Variants in PABPC4L observed in about 807,000 individuals in gnomAD.
The protein encoded by PABPC4L is polyadenylate-binding protein 4-like.
For synonymous variants in PABPC4L, 169 were observed against 164.1 expected (o/e 1.03, Z -0.23); for missense variants, 452 against 451.4 (o/e 1.00, Z -0.01).
At chr4:134,013,539 C>A in the PABPC4L span, among the ~76,000 whole-genome samples, 1 of 152,086 alleles carries the variant, frequency 6.6e-6, no homozygotes, top group Admixed American at 6.6e-5. Context: ...TGCCACTTGA[C>A]CCCAATACAA....
chr4:134,107,385 A>T, the PABPC4L span, among the ~76,000 whole-genome samples: 2,367 of 151,694 alleles, frequency 0.016, 64 homozygotes, highest in African/African-American at 0.051. Context: ...CTTAACAAAC[A>T]GTTTTATTCA....
At chr4:134,138,558 A>C in the PABPC4L span, among the ~76,000 whole-genome samples, 3 of 151,810 alleles carry the variant, frequency 2.0e-5, no homozygotes, top group Non-Finnish European at 2.9e-5. Flanking sequence ...TTTTCTTTTT[A>C]TATAAATGCT....
At chr4:133,973,560 G>A in the PABPC4L span, among the ~76,000 whole-genome samples, 5 of 151,890 alleles carry the variant, frequency 3.3e-5, no homozygotes, top group African/African-American at 1.2e-4. Flanking sequence ...AAAACCAATG[G>A]CCTCATGATT....
At chr4:134,014,054 C>T in the PABPC4L span, among the ~76,000 whole-genome samples, 1 of 152,096 alleles carries the variant, frequency 6.6e-6, no homozygotes, top group African/African-American at 2.4e-5. Flanking sequence ...TGTTTAGGCT[C>T]TTTTTCATCA....
the PABPC4L span, among the ~76,000 whole-genome samples, chr4:134,017,309 G>T: frequency 6.6e-6 from 1 of 152,066 alleles, no homozygotes; most frequent in African/African-American, 2.4e-5. Context: ...ATGCTACAGG[G>T]TACAGTCCAT....
chr4:134,114,854 C>A, the PABPC4L span, among the ~76,000 whole-genome samples: 1 of 151,930 alleles, frequency 6.6e-6, no homozygotes, highest in Non-Finnish European at 1.5e-5. Flanking sequence ...GAATTATCAT[C>A]TCTGCCTTTT....
the PABPC4L span, among the ~76,000 whole-genome samples, chr4:134,073,649 C>T: frequency 1.3e-5 from 2 of 152,330 alleles, no homozygotes; most frequent in African/African-American, 4.8e-5. Context: ...AGCAGAGGTT[C>T]TCCATGAGGG....
the PABPC4L span, among the ~76,000 whole-genome samples, chr4:133,960,495 G>A: frequency 2.0e-5 from 3 of 152,170 alleles, no homozygotes; most frequent in Admixed American, 1.3e-4. Flanking sequence ...AGTGGCCCAA[G>A]GAAAATGCCA....
rs761517220 is a variant in PABPC4L at position 134,201,038 on chromosome 4, G to C, written c.-19C>G. The C allele has an allele frequency of 2.1e-5, 32 of 1,551,702 alleles. 1 individual carries two copies. The East Asian group carries it at 6.8e-4, about 33-fold the overall frequency. On this transcript the variant is annotated 5_prime_UTR_variant, in exon 2 of 2. Transcript: ENST00000421491. ...CATTCATCTCCTTGTCCTTGCCACT[G>C]TGAGTTTGTCCCCTGGAGTTCTTTG...
the PABPC4L span, among the ~76,000 whole-genome samples, chr4:134,160,412 G>A: frequency 6.6e-6 from 1 of 152,086 alleles, no homozygotes; most frequent in Non-Finnish European, 1.5e-5. Flanking sequence ...CTATGCTTAA[G>A]ACACTCCCCC....
At chr4:134,129,398 T>C in the PABPC4L span, among the ~76,000 whole-genome samples, 14 of 152,042 alleles carry the variant, frequency 9.2e-5, no homozygotes, top group Admixed American at 2.6e-4. Context: ...ACACAGAACG[T>C]TCTCCAAGAT....
the PABPC4L span, among the ~76,000 whole-genome samples, chr4:134,100,615 T>G: frequency 6.6e-6 from 1 of 151,742 alleles, no homozygotes; most frequent in South Asian, 2.1e-4. Context: ...CATTTTTTAC[T>G]ACCTCTCTAT....
the PABPC4L span, among the ~76,000 whole-genome samples, chr4:134,130,160 A>G: frequency 6.6e-6 from 1 of 151,880 alleles, no homozygotes; most frequent in Non-Finnish European, 1.5e-5. Flanking sequence ...CAAAACCAAA[A>G]CCTAGCAGAA....
the PABPC4L span, among the ~76,000 whole-genome samples, chr4:134,190,463 C>T: frequency 6.6e-6 from 1 of 151,842 alleles, no homozygotes; most frequent in East Asian, 1.9e-4. Context: ...TCTTAATTTT[C>T]TTCTACTTTA....
the PABPC4L span, among the ~76,000 whole-genome samples, chr4:134,186,362 A>T: frequency 1.3e-5 from 2 of 152,126 alleles, no homozygotes; most frequent in Non-Finnish European, 2.9e-5. Context: ...ATGGAACAGA[A>T]TAGAGTCCCT....
the PABPC4L span, among the ~76,000 whole-genome samples, chr4:133,949,218 A>G: frequency 6.6e-6 from 1 of 152,208 alleles, no homozygotes. Context: ...CATTCCAGCT[A>G]GCACAGGGCT....
the PABPC4L span, among the ~76,000 whole-genome samples, chr4:133,970,497 C>T: frequency 1.3e-5 from 2 of 152,152 alleles, no homozygotes; most frequent in Admixed American, 6.5e-5. Context: ...TTGCTTTTGG[C>T]TATCTTAGAG....
chr4:134,193,647 G>C (rs993694824), downstream of PABPC4L, among the ~76,000 whole-genome samples: 5 of 151,770 alleles, frequency 3.3e-5, no homozygotes, highest in African/African-American at 1.2e-4. Flanking sequence ...GTCCATGTTG[G>C]GCATCAATAT....
chr4:134,194,253 T>A (rs1327402721), downstream of PABPC4L, among the ~76,000 whole-genome samples: 2 of 151,768 alleles, frequency 1.3e-5, no homozygotes, highest in Non-Finnish European at 2.9e-5. Flanking sequence ...TGAAAATAGA[T>A]AAGCAAGAAT....
Sources: gnomAD v4.1 joint callset for allele counts (sites outside exome capture counted in the v4.1 genomes callset) on GRCh38, gnomAD v4.1.1 for gene constraint, MANE v1.5 for transcripts, NCBI Gene and HGNC (gene_info 2026-07-23, HGNC 2026-07-21) for gene names.